GALNT7: variants seen among roughly 807,000 people sequenced by gnomAD.
The protein encoded by GALNT7 is N-acetylgalactosaminyltransferase 7.
In GALNT7, 60 loss-of-function variants were observed where a neutral mutation model predicts 82.1. The observed-to-expected ratio is 0.73, with a 90% confidence interval of 0.59 to 0.91. The LOEUF (loss-of-function observed/expected upper bound fraction) is 0.91, where lower values mean the gene tolerates loss of function less well. Among genes scored for constraint, GALNT7 ranks in the 40% least tolerant of loss-of-function variants. The pLI is 0.00. For missense variants in GALNT7, 660 were observed against 804.2 expected (o/e 0.82, Z 2.17); for synonymous variants, 243 against 275.1 (o/e 0.88, Z 1.15).
At chr4:173,249,964 T>C (rs1734791981) in intron 2 of GALNT7, among the ~76,000 whole-genome samples, 1 of 152,124 alleles carries the variant, frequency 6.6e-6, no homozygotes, top group Non-Finnish European at 1.5e-5. Context: ...AAATGACTGG[T>C]GGCATTTCAT....
At chr4:173,291,967 T>A in intron 2 of GALNT7, 141 bp from the exon 3 acceptor site, 1 of 565,816 alleles carries the variant, frequency 1.8e-6, no homozygotes, top group South Asian at 2.5e-5. Context: ...CTTGCATTTC[T>A]GTTAAATTTT....
At chr4:173,241,917 C>T (rs1446289510) in intron 1 of GALNT7, among the ~76,000 whole-genome samples, 1 of 152,052 alleles carries the variant, frequency 6.6e-6, no homozygotes, top group Non-Finnish European at 1.5e-5. Flanking sequence ...ACTGCAGTTA[C>T]CATAGTATAT....
At chr4:173,214,614 G>A (rs1201506866) in intron 1 of GALNT7, among the ~76,000 whole-genome samples, 1 of 152,202 alleles carries the variant, frequency 6.6e-6, no homozygotes, top group Non-Finnish European at 1.5e-5. Flanking sequence ...GAACAGTGAA[G>A]TGCTTGGTGC....
At chr4:173,211,353 T>G (rs967150001) in intron 1 of GALNT7, among the ~76,000 whole-genome samples, 1 of 152,212 alleles carries the variant, frequency 6.6e-6, no homozygotes, top group African/African-American at 2.4e-5. Flanking sequence ...TAGGTGATAT[T>G]GACAAGTACA....
rs538418649 is a variant in GALNT7 at position 173,241,934 on chromosome 4, T to G, written c.127-6046T>G. On this transcript the variant is annotated intron_variant, in intron 1 of 11. Coordinates refer to ENST00000265000, the MANE Select transcript of GALNT7 (RefSeq NM_017423.3). ...TGCAGTTACCATAGTATATTAGAAG[T>G]CTTGAGATAAAAATAAAAGATATAA... is the stretch of plus-strand genomic sequence containing the variant. Among the ~76,000 whole-genome samples, 94 of 152,208 alleles carry G rather than the reference T, an allele frequency of 6.2e-4. 1 individual carries two copies. The highest frequency in any genetic ancestry group is 1.8e-3 in the African/African-American group (76 of 41,534).
At chr4:173,222,966 A>C (rs1347301629) in intron 1 of GALNT7, among the ~76,000 whole-genome samples, 1 of 152,234 alleles carries the variant, frequency 6.6e-6, no homozygotes, top group Non-Finnish European at 1.5e-5. Context: ...AGTTTCTGCC[A>C]ATGGATCATT....
chr4:173,196,529 G>C (rs1732783636), intron 1 of GALNT7, among the ~76,000 whole-genome samples: 1 of 152,142 alleles, frequency 6.6e-6, no homozygotes, highest in Non-Finnish European at 1.5e-5. Flanking sequence ...CTGTTATTTG[G>C]TAACGTGAAG....
At chr4:173,246,291 A>G (rs1554024059) in intron 1 of GALNT7, among the ~76,000 whole-genome samples, 1 of 152,170 alleles carries the variant, frequency 6.6e-6, no homozygotes, top group Non-Finnish European at 1.5e-5. Context: ...CTTGATGTTT[A>G]TGTTTGTCCT....
rs751979848 is a variant in GALNT7 at position 173,184,391 on chromosome 4, G to A, written c.126+15430G>A. Among the ~76,000 whole-genome samples, 432 of 152,236 alleles carry A rather than the reference G, an allele frequency of 2.8e-3. 3 individuals carry two copies. Among genetic ancestry groups the A allele is most frequent in the Non-Finnish European group, 2.7e-3 (184 of 68,016 alleles). The stretch of plus-strand genomic sequence containing the variant: ...GCTGGCAGATCACTCGCGGTCAGGA[G>A]CTGGAGACCAGCCCGACCAACACGG... On this transcript the variant is annotated intron_variant, in intron 1 of 11. Coordinates refer to ENST00000265000, the MANE Select transcript of GALNT7 (RefSeq NM_017423.3).
At chr4:173,204,986 A>C (rs576249033) in intron 1 of GALNT7, among the ~76,000 whole-genome samples, 41 of 152,328 alleles carry the variant, frequency 2.7e-4, no homozygotes, top group African/African-American at 7.9e-4. Context: ...GCTCATCCAG[A>C]GATCCAGAGA....
intron 1 of GALNT7, among the ~76,000 whole-genome samples, chr4:173,184,362 T>C (rs1366007480): frequency 2.0e-5 from 3 of 152,058 alleles, no homozygotes; most frequent in Non-Finnish European, 2.9e-5. Flanking sequence ...CTAGGGAGGC[T>C]GAGGCTGGCA....
Position 173,320,384 on chromosome 4 carries a change from C to T in GALNT7, c.1837-1196C>T, listed in dbSNP as rs1463015717. Among the ~76,000 whole-genome samples the T allele has an allele frequency of 1.3e-5, 2 of 151,970 alleles. No individual in the cohort carries two copies. Among genetic ancestry groups the T allele is most frequent in the Non-Finnish European group, 2.9e-5 (2 of 67,962 alleles). ...AAGTAATAATAATATACTTATTAAA[C>T]ATTAATGTAAATGACATTTTTAATG... On this transcript the variant is annotated intron_variant, in intron 11 of 11. Coordinates refer to ENST00000265000, the MANE Select transcript of GALNT7 (RefSeq NM_017423.3). The surrounding 1 kb of genome is among the most constrained non-coding windows in gnomAD (Gnocchi z 4.1).
At chr4:173,303,318 A>T (rs1737024930) in intron 7 of GALNT7, among the ~76,000 whole-genome samples, 2 of 152,318 alleles carry the variant, frequency 1.3e-5, no homozygotes, top group Admixed American at 1.3e-4. Context: ...AGCAAGTAGC[A>T]TGGGGAAAAG....
chr4:173,185,917 A>G (rs569978593), intron 1 of GALNT7, among the ~76,000 whole-genome samples: 3 of 152,358 alleles, frequency 2.0e-5, no homozygotes, highest in African/African-American at 4.8e-5. Flanking sequence ...AAACTCAAAC[A>G]CATCCTTAAT....
At chr4:173,285,194 A>G (rs1301675662) in intron 2 of GALNT7, among the ~76,000 whole-genome samples, 1 of 152,228 alleles carries the variant, frequency 6.6e-6, no homozygotes, top group African/African-American at 2.4e-5. Flanking sequence ...TCTTTTAACT[A>G]AAAACACATT....
chr4:173,262,037 C>T (rs1422532485), intron 2 of GALNT7, among the ~76,000 whole-genome samples: 5 of 152,010 alleles, frequency 3.3e-5, no homozygotes, highest in Admixed American at 2.0e-4. Context: ...TTTTTACCAA[C>T]TTCTGTAATG....
chr4:173,263,879 T>C (rs541881644), intron 2 of GALNT7, among the ~76,000 whole-genome samples: 100 of 152,304 alleles, frequency 6.6e-4, no homozygotes, highest in African/African-American at 2.4e-3. Flanking sequence ...TAAAATAAGA[T>C]CAATGGTATT....
intron 1 of GALNT7, among the ~76,000 whole-genome samples, chr4:173,239,585 C>G (rs914699975): frequency 6.6e-6 from 1 of 152,174 alleles, no homozygotes; most frequent in African/African-American, 2.4e-5. Flanking sequence ...AAACAGGACC[C>G]AGGACCATGG....
intron 1 of GALNT7, among the ~76,000 whole-genome samples, chr4:173,179,356 A>G (rs369072827): frequency 2.0e-5 from 3 of 152,218 alleles, no homozygotes; most frequent in African/African-American, 7.2e-5. Flanking sequence ...TTTAATAGAA[A>G]CATCAGCCAG....
Sources: allele counts gnomAD v4.1 joint callset (sites outside exome capture counted in the v4.1 genomes callset), GRCh38; gene constraint gnomAD v4.1.1; non-coding constraint Gnocchi (gnomAD v3.1); transcripts MANE v1.5; gene names NCBI Gene and HGNC (gene_info 2026-07-23, HGNC 2026-07-21).